ATP8B1: variants seen among roughly 807,000 people sequenced by gnomAD.
ATP8B1 encodes phospholipid-transporting ATPase IC.
ATP8B1 carries 80 observed loss-of-function variants against 149.9 expected under a neutral mutation model. The observed-to-expected ratio is 0.53, with a 90% CI of 0.45 to 0.64. ATP8B1 has a LOEUF of 0.64. Among genes scored for constraint, ATP8B1 ranks in the 30% least tolerant of loss-of-function variants. The pLI is 0.00. For synonymous variants in ATP8B1, 536 were observed against 562.8 expected (o/e 0.95, Z 0.67); for missense variants, 1,247 against 1,552.6 (o/e 0.80, Z 3.31).
At chr18:57,705,776 A>G (rs1913359566) in intron 3 of ATP8B1, among the ~76,000 whole-genome samples, 1 of 152,218 alleles carries the variant, frequency 6.6e-6, no homozygotes, top group Non-Finnish European at 1.5e-5. Context: ...TGTTGTTTTA[A>G]GCCATCCAGT....
chr18:57,753,561 C>A (rs55984135), intron 1 of ATP8B1, among the ~76,000 whole-genome samples: 11,750 of 152,238 alleles, frequency 0.077, 519 homozygotes, highest in Middle Eastern at 0.14. Flanking sequence ...CTTTATGCAG[C>A]CATTGGCTCC....
At chr18:57,718,914 A>G (rs2079610518) in intron 2 of ATP8B1, among the ~76,000 whole-genome samples, 2 of 152,356 alleles carry the variant, frequency 1.3e-5, no homozygotes, top group South Asian at 2.1e-4. Context: ...CATAGCTAGT[A>G]TCAAACTGAA....
At chr18:57,730,257 A>G (rs1335681922) in intron 2 of ATP8B1, among the ~76,000 whole-genome samples, 2 of 151,450 alleles carry the variant, frequency 1.3e-5, no homozygotes, top group African/African-American at 2.4e-5. Flanking sequence ...GGCATGGGGG[A>G]AAAAGAGGCT....
chr18:57,693,708 C>A (rs77407142), intron 11 of ATP8B1, among the ~76,000 whole-genome samples: 3 of 148,776 alleles, frequency 2.0e-5, no homozygotes, highest in African/African-American at 7.4e-5. Flanking sequence ...AACTCAATCT[C>A]AAAAAAAAAC....
chr18:57,790,028 C>A (rs1189652096), intron 1 of ATP8B1, among the ~76,000 whole-genome samples: 1 of 152,192 alleles, frequency 6.6e-6, no homozygotes. Flanking sequence ...ATCAAAGCTA[C>A]ATTCATCTTC....
At chr18:57,732,247 ATATATG>A (rs201077963) in intron 1 of ATP8B1, among the ~76,000 whole-genome samples, 1,899 of 27,226 alleles carry the variant, frequency 0.07, 71 homozygotes, top group East Asian at 0.39. Flanking sequence ...ATATATATGT[ATATATG>A]TATATATGTG....
intron 2 of ATP8B1, among the ~76,000 whole-genome samples, chr18:57,727,649 C>T (rs537701588): frequency 2.6e-5 from 4 of 151,868 alleles, no homozygotes; most frequent in African/African-American, 7.2e-5. Flanking sequence ...ATTAGCCAGG[C>T]GTGGTAGCAT....
chr18:57,686,981 C>G (rs541555367), intron 13 of ATP8B1, among the ~76,000 whole-genome samples: 2 of 152,262 alleles, frequency 1.3e-5, no homozygotes, highest in East Asian at 3.9e-4. Flanking sequence ...GTAGCTGGAA[C>G]TATAGGCATG....
At position 57,803,150 on chromosome 18, in the gene ATP8B1, G is replaced by A. The variant is rs956198844; in HGVS notation, c.-178C>T. The A allele has an allele frequency of 1.3e-5, 2 of 152,294 alleles. No homozygotes were observed. Among genetic ancestry groups the A allele is most frequent in the Admixed American group, 6.6e-5 (1 of 15,262 alleles). 9.4% of individuals were successfully genotyped at this position (152,294 alleles called of 1,614,324 possible). A position where few individuals can be genotyped will look rare whatever the true frequency, so the allele number is the denominator to read the frequency against. ...CGCACGGGGGCTGGCCGGGGGCCCG[G>A]GGAAGCGTGTCTAGTTGGCGGCGGC... On this transcript the variant is annotated 5_prime_UTR_variant, in exon 1 of 28. Transcript: ENST00000648908.
chr18:57,756,955 A>T (rs1429915883), intron 1 of ATP8B1, among the ~76,000 whole-genome samples: 1 of 152,062 alleles, frequency 6.6e-6, no homozygotes, highest in South Asian at 2.1e-4. Context: ...CCCGTTCCTT[A>T]TCACAATTTC....
At chr18:57,727,620 C>T (rs1239638671) in intron 2 of ATP8B1, among the ~76,000 whole-genome samples, 1 of 152,026 alleles carries the variant, frequency 6.6e-6, no homozygotes, top group Non-Finnish European at 1.5e-5. Flanking sequence ...GAAACTCTGT[C>T]TCTACTAAAA....
chr18:57,712,048 C>CATATATATATATAT lies in ATP8B1; in HGVS notation c.182-5475_182-5462dup, dbSNP rs10622264. Among the ~76,000 whole-genome samples the CATATATATATATAT allele has an allele frequency of 1.4e-3, 196 of 144,378 alleles. 1 individual carries two copies. The highest frequency in any genetic ancestry group is 4.8e-3 in the African/African-American group (178 of 37,438). The allele number at this position is 144,378 out of a possible 152,430, so 94.7% of individuals were successfully genotyped here. A position where few individuals can be genotyped will look rare whatever the true frequency, so the allele number is the denominator to read the frequency against. On this transcript the variant is annotated intron_variant, in intron 2 of 27. Coordinates refer to ENST00000648908, the MANE Select transcript of ATP8B1 (RefSeq NM_001374385.1). ...TGATTCCTCTCCTTCCCTCTATTGG[C>CATATATATATATAT]ATATATATATATATATATATGGCGA...
intron 15 of ATP8B1, among the ~76,000 whole-genome samples, chr18:57,677,970 A>G (rs1911702437): frequency 6.6e-6 from 1 of 152,196 alleles, no homozygotes; most frequent in Non-Finnish European, 1.5e-5. Flanking sequence ...AATGTTTTCC[A>G]TTACCTTCTG....
chr18:57,801,396 C>T (rs2080572465), intron 1 of ATP8B1, among the ~76,000 whole-genome samples: 4 of 152,226 alleles, frequency 2.6e-5, no homozygotes, highest in African/African-American at 9.6e-5. Context: ...GGCGTGACTT[C>T]TCCCCCAGAA....
chr18:57,648,739 T>A, intron 27 of ATP8B1, 27 bp from the exon 28 acceptor site: 1 of 1,547,004 alleles, frequency 6.5e-7, no homozygotes, highest in Non-Finnish European at 8.7e-7. Context: ...TGGGGAGGGA[T>A]GAAAATAAGA....
intron 19 of ATP8B1, chr18:57,667,725 A>C (rs1399463642): frequency 1.7e-5 from 3 of 173,984 alleles, no homozygotes; most frequent in Non-Finnish European, 3.7e-5. Context: ...TGGTTCAATT[A>C]CTCTGTTATT....
Position 57,736,453 on chromosome 18 carries a change from G to GTTTTTTTTT in ATP8B1, c.-25-4630_-25-4622dup, listed in dbSNP as rs71171079. Among the ~76,000 whole-genome samples the GTTTTTTTTT allele has an allele frequency of 8.6e-5, 6 of 70,136 alleles. 1 individual carries two copies. Among genetic ancestry groups the GTTTTTTTTT allele is most frequent in the Admixed American group, 4.0e-4 (2 of 5,038 alleles). 46.0% of individuals were successfully genotyped at this position (70,136 alleles called of 152,430 possible). ...TTTCTTCTAGTATAAAGTTTTACTAGTTTTTTTTTTTTTTTTTTTTTTTTG... is the reference window on the plus strand; with the variant it reads ...TTTCTTCTAGTATAAAGTTTTACTAGTTTTTTTTTTTTTTTTTTTTTTTTTTTTTTTTTG... On this transcript the variant is annotated intron_variant, in intron 1 of 27. Coordinates refer to ENST00000648908, the MANE Select transcript of ATP8B1 (RefSeq NM_001374385.1).
chr18:57,729,656 T>C (rs2079741684), intron 2 of ATP8B1, among the ~76,000 whole-genome samples: 1 of 151,074 alleles, frequency 6.6e-6, no homozygotes, highest in Non-Finnish European at 1.5e-5. Flanking sequence ...GTTCTAGTGA[T>C]TCTCCTGCCT....
At chr18:57,716,218 C>A (rs112884787) in intron 2 of ATP8B1, among the ~76,000 whole-genome samples, 2 of 151,680 alleles carry the variant, frequency 1.3e-5, no homozygotes, top group Non-Finnish European at 2.9e-5. Context: ...AAATAAAAAG[C>A]AGGAAATTAA....
Sources: gnomAD v4.1 joint callset for allele counts (sites outside exome capture counted in the v4.1 genomes callset) on GRCh38, gnomAD v4.1.1 for gene constraint, MANE v1.5 for transcripts, NCBI Gene and HGNC (gene_info 2026-07-23, HGNC 2026-07-21) for gene names.